The following PLPP4 variants were observed in gnomAD, a reference collection of about 807,000 sequenced individuals.
PLPP4 encodes the protein phospholipid phosphatase 4, also known as diacylglycerol pyrophosphate like 2.
PLPP4 carries 20 observed loss-of-function variants against 32.2 expected under a neutral mutation model. That is an observed-to-expected ratio of 0.62 (90% confidence interval 0.44 to 0.90). PLPP4 has a LOEUF of 0.90. Among genes scored for constraint, PLPP4 ranks in the 40% least tolerant of loss-of-function variants. The pLI, the probability that PLPP4 is intolerant of heterozygous loss-of-function variation, is 0.00. For missense variants in PLPP4, 257 were observed against 353.1 expected, an observed-to-expected ratio of 0.73 and a Z score of 2.18; for synonymous variants, 127 against 133.0, an observed-to-expected ratio of 0.95 and a Z score of 0.31.
chr10:120,476,768 A>C (rs1843938465), intron 1 of PLPP4, among the ~76,000 whole-genome samples: 1 of 152,198 alleles, frequency 6.6e-6, no homozygotes, highest in Non-Finnish European at 1.5e-5. Flanking sequence ...GGATAGTAGA[A>C]ATAGTGCCTA....
intron 6 of PLPP4, 43 bp from the exon 7 acceptor site, chr10:120,589,260 C>G (rs1206996181): frequency 1.9e-6 from 3 of 1,574,724 alleles, no homozygotes; most frequent in East Asian, 4.5e-5. Context: ...CACATTTGAA[C>G]AAATGGTAAC....
chr10:120,578,211 A>G (rs1286120716), intron 6 of PLPP4, among the ~76,000 whole-genome samples: 1 of 152,218 alleles, frequency 6.6e-6, no homozygotes, highest in East Asian at 1.9e-4. Context: ...TCAATACTCA[A>G]TTATTAAGGG....
intron 1 of PLPP4, among the ~76,000 whole-genome samples, chr10:120,503,077 C>G (rs1355026440): frequency 6.6e-6 from 1 of 152,220 alleles, no homozygotes; most frequent in African/African-American, 2.4e-5. Flanking sequence ...CTTCTCTTCT[C>G]TCCTCTGAGT....
At chr10:120,560,327 T>A (rs531509298) in intron 5 of PLPP4, among the ~76,000 whole-genome samples, 1 of 58,420 alleles carries the variant, frequency 1.7e-5, no homozygotes, top group South Asian at 6.4e-4. Flanking sequence ...TAAGGACCAT[T>A]GCAAAAAAAA....
chr10:120,457,683 C>G (rs1447181574), intron 1 of PLPP4, among the ~76,000 whole-genome samples: 2 of 152,194 alleles, frequency 1.3e-5, no homozygotes, highest in Non-Finnish European at 2.9e-5. Flanking sequence ...GGGACGCGCA[C>G]CCTGGCCCGT....
At chr10:120,564,658 A>C (rs1471317554) in intron 5 of PLPP4, among the ~76,000 whole-genome samples, 1 of 151,840 alleles carries the variant, frequency 6.6e-6, no homozygotes, top group African/African-American at 2.4e-5. Context: ...GTGATGTGTA[A>C]ACAGTTTAGA....
chr10:120,459,729 G>A (rs1429789035), intron 1 of PLPP4, among the ~76,000 whole-genome samples: 1 of 152,140 alleles, frequency 6.6e-6, no homozygotes, highest in South Asian at 2.1e-4. Context: ...AATTATCTGC[G>A]GGGAGAGGGG....
intron 1 of PLPP4, among the ~76,000 whole-genome samples, chr10:120,464,554 AC>A (rs1848228575): frequency 6.6e-6 from 1 of 152,136 alleles, no homozygotes; most frequent in South Asian, 2.1e-4. Flanking sequence ...ATGAGTCGGA[AC>A]CCCAGATCTT....
chr10:120,503,940 T>A lies in PLPP4; in HGVS notation c.165+14T>A. The A allele has an allele frequency of 6.6e-7, 1 of 1,514,636 alleles. No homozygotes were observed. 93.8% of individuals were successfully genotyped at this position (1,514,636 alleles called of 1,614,324 possible). On this transcript the variant is annotated intron_variant, in intron 2 of 6. Coordinates refer to ENST00000398250, the MANE Select transcript of PLPP4 (RefSeq NM_001030059.3). ...CGCCTCATGTTTGTAAGTACCATGATTTCATTCCTTATTTGACTGCTCTCT... is the reference window on the plus strand; with the variant it reads ...CGCCTCATGTTTGTAAGTACCATGAATTCATTCCTTATTTGACTGCTCTCT...
At chr10:120,575,927 G>A (rs1849203084) in intron 6 of PLPP4, among the ~76,000 whole-genome samples, 1 of 152,200 alleles carries the variant, frequency 6.6e-6, no homozygotes, top group African/African-American at 2.4e-5. Flanking sequence ...CTCACAGTCT[G>A]TCTGAAAGAC....
At chr10:120,485,171 G>A (rs1844388131) in intron 1 of PLPP4, among the ~76,000 whole-genome samples, 1 of 152,238 alleles carries the variant, frequency 6.6e-6, no homozygotes, top group Non-Finnish European at 1.5e-5. Context: ...AAGCCACTAT[G>A]TTTGTAGTCA....
chr10:120,573,090 G>T (rs1023429822), intron 5 of PLPP4, among the ~76,000 whole-genome samples: 1 of 152,090 alleles, frequency 6.6e-6, no homozygotes, highest in Non-Finnish European at 1.5e-5. Flanking sequence ...AACCAGGAAG[G>T]CTGTCCAAGA....
At chr10:120,501,879 C>A (rs1845270523) in intron 1 of PLPP4, among the ~76,000 whole-genome samples, 1 of 152,168 alleles carries the variant, frequency 6.6e-6, no homozygotes, top group South Asian at 2.1e-4. Context: ...TTCAGCCTCC[C>A]CCATTGCAGA....
At chr10:120,549,115 A>G (rs551869236) in intron 5 of PLPP4, among the ~76,000 whole-genome samples, 4 of 151,542 alleles carry the variant, frequency 2.6e-5, no homozygotes, top group Admixed American at 6.6e-5. Flanking sequence ...GTTATTTAAT[A>G]TTAATGAAAT....
intron 1 of PLPP4, among the ~76,000 whole-genome samples, chr10:120,496,799 C>A (rs1435972013): frequency 2.0e-5 from 3 of 151,766 alleles, no homozygotes; most frequent in Admixed American, 6.6e-5. Context: ...AGACACATAT[C>A]CTGGGGTCTT....
chr10:120,522,575 T>A (rs1258244704), intron 5 of PLPP4, among the ~76,000 whole-genome samples: 1 of 152,234 alleles, frequency 6.6e-6, no homozygotes, highest in Non-Finnish European at 1.5e-5. Context: ...CATGTTTATT[T>A]AAGTAAATAA....
intron 6 of PLPP4, among the ~76,000 whole-genome samples, chr10:120,583,339 G>C (rs1283645992): frequency 1.3e-5 from 2 of 151,692 alleles, no homozygotes; most frequent in Non-Finnish European, 1.5e-5. Flanking sequence ...CAATGTTATA[G>C]GTAAGGATTC....
At chr10:120,462,283 C>T (rs1223455269) in intron 1 of PLPP4, among the ~76,000 whole-genome samples, 2 of 152,098 alleles carry the variant, frequency 1.3e-5, no homozygotes, top group African/African-American at 2.4e-5. Flanking sequence ...ACGCAAGTGG[C>T]CTCAGGGCCC....
intron 1 of PLPP4, among the ~76,000 whole-genome samples, chr10:120,484,460 C>T (rs971939256): frequency 5.9e-5 from 9 of 152,146 alleles, no homozygotes; most frequent in African/African-American, 2.2e-4. Context: ...CTGCACCATC[C>T]CATGGCAGAA....
Sources: allele counts gnomAD v4.1 joint callset (sites outside exome capture counted in the v4.1 genomes callset), GRCh38; gene constraint gnomAD v4.1.1; transcripts MANE v1.5; gene names NCBI Gene and HGNC (gene_info 2026-07-23, HGNC 2026-07-21).